DLGAP1: variants seen among roughly 807,000 people sequenced by gnomAD.
DLGAP1 encodes the protein disks large-associated protein 1.
DLGAP1 carries 11 observed loss-of-function variants against 90.8 expected under a neutral mutation model. The ratio of observed to expected loss-of-function variants is 0.12; its 90% CI spans 0.08 to 0.20. The LOEUF (loss-of-function observed/expected upper bound fraction) is 0.20, where lower values mean the gene tolerates loss of function less well. Among genes scored for constraint, DLGAP1 ranks in the 10% least tolerant of loss-of-function variants. DLGAP1 has a pLI of 1.00. For synonymous variants in DLGAP1, 558 were observed against 540.7 expected (o/e 1.03, Z -0.44); for missense variants, 1,050 against 1,333.8 (o/e 0.79, Z 3.31).
chr18:4,256,272 C>T (rs567472392), intron 1 of DLGAP1, among the ~76,000 whole-genome samples: 81 of 152,282 alleles, frequency 5.3e-4, no homozygotes, highest in Middle Eastern at 3.4e-3. Context: ...TGGTGGCTCA[C>T]GCCTGTGTTC....
At chr18:3,640,643 T>C (rs965521902) in intron 7 of DLGAP1, among the ~76,000 whole-genome samples, 2 of 152,230 alleles carry the variant, frequency 1.3e-5, no homozygotes, top group Non-Finnish European at 2.9e-5. Context: ...TCCTATACCA[T>C]GCTTGCAAAT....
At chr18:4,001,574 G>A (rs1207667957) in intron 3 of DLGAP1, among the ~76,000 whole-genome samples, 1 of 152,076 alleles carries the variant, frequency 6.6e-6, no homozygotes. Context: ...TGCCTTTTCT[G>A]TTATTTTTGG....
intron 7 of DLGAP1, among the ~76,000 whole-genome samples, chr18:3,697,643 T>C (rs571431837): frequency 2.5e-3 from 378 of 152,304 alleles, no homozygotes; most frequent in African/African-American, 8.9e-3. Context: ...GATGTGTTGC[T>C]GAGAAGAATG....
intron 1 of DLGAP1, among the ~76,000 whole-genome samples, chr18:4,198,795 C>T (rs895315114): frequency 2.6e-5 from 4 of 152,162 alleles, no homozygotes; most frequent in East Asian, 1.9e-4. Flanking sequence ...TTACATTCTG[C>T]AGTTTTTGGA....
intron 7 of DLGAP1, among the ~76,000 whole-genome samples, chr18:3,672,918 GC>G (rs2060151619): frequency 6.6e-6 from 1 of 152,082 alleles, no homozygotes; most frequent in Non-Finnish European, 1.5e-5. Context: ...CATGCCTGGG[GC>G]AAGTCCTTAT....
At chr18:3,895,267 C>T (rs2071587855) in intron 3 of DLGAP1, among the ~76,000 whole-genome samples, 1 of 144,872 alleles carries the variant, frequency 6.9e-6, no homozygotes, top group African/African-American at 2.6e-5. Context: ...TTGTATTTCC[C>T]TTGGATGTTT....
rs541258792 is a variant in DLGAP1, at chr18:3,517,292, A to T, written c.2480-8631T>A. On this transcript the variant is annotated intron_variant, in intron 10 of 12. Transcript: ENST00000315677. This position sits in a 1 kb window ranked among gnomAD's most constrained non-coding sequence, Gnocchi z 4.1. ...AAAGACCTACATGGCATCTCCTGCC[A>T]ATAGAAGGCTGTTTTGTCTACATTG... Among the ~76,000 whole-genome samples the T allele has an allele frequency of 2.0e-5, 3 of 152,356 alleles. No homozygotes were observed. The highest frequency in any genetic ancestry group is 7.2e-5 in the African/African-American group (3 of 41,592).
intron 2 of DLGAP1, among the ~76,000 whole-genome samples, chr18:4,034,119 G>A (rs12957674): frequency 0.18 from 25,295 of 140,146 alleles, 2,686 homozygotes; most frequent in East Asian, 0.39. Context: ...TCGGCTCACT[G>A]CAACCTCTGC....
In DLGAP1 at chr18:3,749,409, T is replaced by A. The variant is rs200931120; in HGVS notation, c.1173-6897A>T. Among the ~76,000 whole-genome samples, 4 of 152,188 alleles carry A rather than the reference T, an allele frequency of 2.6e-5. No individual in the cohort carries two copies. In the East Asian group the frequency reaches 7.7e-4, roughly 29 times the overall value. On this transcript the variant is annotated intron_variant, in intron 5 of 12. Coordinates refer to ENST00000315677, the MANE Select transcript of DLGAP1 (RefSeq NM_004746.4). ...CTCAAGTGATCTGCCTGCCTTGGCCTCCCAAAGTGCTGGGATTACAGGGGT... is the reference window on the plus strand; with the variant it reads ...CTCAAGTGATCTGCCTGCCTTGGCCACCCAAAGTGCTGGGATTACAGGGGT...
intron 4 of DLGAP1, among the ~76,000 whole-genome samples, chr18:3,844,595 C>T (rs548886167): frequency 5.3e-5 from 8 of 152,254 alleles, no homozygotes; most frequent in African/African-American, 1.9e-4. Context: ...AGTACATTTT[C>T]CACATGAACC....
At chr18:3,640,466 C>T (rs1013638360) in intron 7 of DLGAP1, among the ~76,000 whole-genome samples, 5 of 152,202 alleles carry the variant, frequency 3.3e-5, no homozygotes, top group African/African-American at 9.6e-5. Flanking sequence ...CAGCTCAGGT[C>T]GGAAATGAAT....
intron 7 of DLGAP1, among the ~76,000 whole-genome samples, chr18:3,661,936 C>T (rs2059698141): frequency 6.6e-6 from 1 of 152,118 alleles, no homozygotes; most frequent in East Asian, 1.9e-4. Flanking sequence ...TGAAAATTGT[C>T]ACTGGAGCCT....
At chr18:3,942,058 T>C (rs1269029386) in intron 3 of DLGAP1, among the ~76,000 whole-genome samples, 1 of 152,196 alleles carries the variant, frequency 6.6e-6, no homozygotes, top group East Asian at 1.9e-4. Context: ...AGGTCTTTCT[T>C]AGGAGAGAGA....
intron 1 of DLGAP1, among the ~76,000 whole-genome samples, chr18:4,161,068 C>T (rs1363352287): frequency 1.3e-5 from 2 of 149,776 alleles, no homozygotes; most frequent in Non-Finnish European, 3.0e-5. Flanking sequence ...ATACATTCCA[C>T]AGTTTATTTT....
At chr18:4,434,531 A>G (rs1345521193) in intron 1 of DLGAP1, among the ~76,000 whole-genome samples, 2 of 152,096 alleles carry the variant, frequency 1.3e-5, no homozygotes, top group African/African-American at 4.8e-5. Context: ...CAGTTTGTAC[A>G]CTGTGAGTCT....
intron 1 of DLGAP1, among the ~76,000 whole-genome samples, chr18:4,305,912 T>A (rs78527186): frequency 6.9e-5 from 1 of 14,596 alleles, no homozygotes; most frequent in African/African-American, 7.2e-5. Context: ...GATTATTATT[T>A]TTTTTTTGTC....
intron 4 of DLGAP1, among the ~76,000 whole-genome samples, chr18:3,835,614 A>G (rs960775780): frequency 1.4e-5 from 2 of 147,472 alleles, no homozygotes; most frequent in Admixed American, 1.4e-4. Context: ...GCGTCATTGC[A>G]CTCCAGTGTG....
At chr18:3,763,795 C>T (rs1349437609) in intron 5 of DLGAP1, among the ~76,000 whole-genome samples, 2 of 151,772 alleles carry the variant, frequency 1.3e-5, no homozygotes, top group Non-Finnish European at 2.9e-5. Flanking sequence ...CCAAGTAGCT[C>T]GGATTACAGG....
At chr18:4,385,874 C>T (rs1056091694) in intron 1 of DLGAP1, among the ~76,000 whole-genome samples, 2 of 152,078 alleles carry the variant, frequency 1.3e-5, no homozygotes, top group Non-Finnish European at 2.9e-5. Flanking sequence ...TAATGTTATG[C>T]TGTTGTTGAA....
Sources: gnomAD v4.1 joint callset for allele counts (sites outside exome capture counted in the v4.1 genomes callset) on GRCh38, gnomAD v4.1.1 for gene constraint, Gnocchi (gnomAD v3.1) non-coding constraint, MANE v1.5 for transcripts, NCBI Gene and HGNC (gene_info 2026-07-23, HGNC 2026-07-21) for gene names.